Variants in ASCC1 observed in about 807,000 individuals in gnomAD.
ASCC1 encodes the protein ASC-1 complex subunit P50.
Under a neutral mutation model 46.6 loss-of-function variants are expected in ASCC1, and 35 were observed. That is an observed-to-expected ratio of 0.75 (90% CI 0.57 to 0.99). The LOEUF is 0.99. ASCC1 is among the 50% of genes least tolerant of loss of function. ASCC1 has a pLI of 0.00. For missense variants in ASCC1, 376 were observed against 428.7 expected (o/e 0.88, Z 1.09); for synonymous variants, 143 against 146.6 (o/e 0.98, Z 0.18).
At chr10:72,168,225 T>C (rs116695191) in intron 5 of ASCC1, among the ~76,000 whole-genome samples, 4,317 of 151,858 alleles carry the variant, frequency 0.028, 198 homozygotes, top group African/African-American at 0.099. Flanking sequence ...TAAAATACTT[T>C]TAAAAATCAA....
At chr10:72,195,676 A>G (rs1564737356) in intron 5 of ASCC1, among the ~76,000 whole-genome samples, 1 of 151,890 alleles carries the variant, frequency 6.6e-6, no homozygotes, top group Non-Finnish European at 1.5e-5. Flanking sequence ...CTCTACTGAA[A>G]ATACAAAATT....
At chr10:72,148,899 T>C (rs1847946658) in intron 7 of ASCC1, among the ~76,000 whole-genome samples, 1 of 152,074 alleles carries the variant, frequency 6.6e-6, no homozygotes, top group Admixed American at 6.6e-5. Context: ...TAGTATGAGA[T>C]ATCCACAATT....
At chr10:72,163,149 A>G (rs1158825727) in intron 5 of ASCC1, among the ~76,000 whole-genome samples, 3 of 152,146 alleles carry the variant, frequency 2.0e-5, no homozygotes, top group Admixed American at 6.5e-5. Context: ...TAGAAATTGG[A>G]ACCCTCATAC....
intron 5 of ASCC1, among the ~76,000 whole-genome samples, chr10:72,169,841 C>T (rs1041904809): frequency 1.3e-5 from 2 of 152,096 alleles, no homozygotes; most frequent in Non-Finnish European, 2.9e-5. Context: ...AACACAAGGC[C>T]GGGCGTGGTG....
Position 72,097,047 on chromosome 10 carries a change from T to C in ASCC1, c.*287A>G, listed in dbSNP as rs1489095211. 2.1e-6 allele frequency: 1 copy of C among 477,142 alleles called. No individual in the cohort carries two copies. The highest frequency in any genetic ancestry group is 2.3e-5 in the Admixed American group (1 of 43,248). 29.6% of individuals were successfully genotyped at this position (477,142 alleles called of 1,614,324 possible). ...TACTGAACTGTGCACTTAAAAATGG[T>C]GAAGACAGTATGTTTTATGAGTATT... On this transcript the variant is annotated 3_prime_UTR_variant, in exon 10 of 10. Coordinates refer to ENST00000672957, the MANE Select transcript of ASCC1 (RefSeq NM_001198800.3).
At chr10:72,142,762 A>T (rs976725165) in intron 7 of ASCC1, among the ~76,000 whole-genome samples, 1 of 152,028 alleles carries the variant, frequency 6.6e-6, no homozygotes, top group Non-Finnish European at 1.5e-5. Flanking sequence ...ATGACTTTTA[A>T]ATACCTCCCC....
chr10:72,105,225 C>T (rs1589164873), intron 9 of ASCC1, among the ~76,000 whole-genome samples: 1 of 152,214 alleles, frequency 6.6e-6, no homozygotes, highest in Non-Finnish European at 1.5e-5. Flanking sequence ...GCAAGGGTAC[C>T]ACTGAGCTGA....
At chr10:72,105,260 C>T (rs531931101) in intron 9 of ASCC1, among the ~76,000 whole-genome samples, 28 of 152,160 alleles carry the variant, frequency 1.8e-4, no homozygotes, top group Non-Finnish European at 3.4e-4. Flanking sequence ...CCACAGACAG[C>T]GGGACAAAGA....
At chr10:72,103,053 C>T (rs1454166174) in intron 9 of ASCC1, 4 of 397,242 alleles carry the variant, frequency 1.0e-5, no homozygotes, top group African/African-American at 2.2e-5. Context: ...ATGACAACAG[C>T]CAACATTTAT....
rs1849698689 is a variant in ASCC1, at chr10:72,161,563, G to A, written c.601C>T (p.Gln201Ter). 6 of 1,614,172 alleles carry A rather than the reference G, an allele frequency of 3.7e-6. No individual in the cohort carries two copies. The highest frequency in any genetic ancestry group is 5.1e-6 in the Non-Finnish European group (6 of 1,180,042). The change falls in exon 6 of 10, where the codon CAG (glutamine) becomes TAG (stop). Residue 201 changes from glutamine (Q) to a stop codon, truncating the protein, a stop_gained. Transcript: ENST00000672957. LOFTEE classifies it high-confidence loss of function. ...TTAATGAATTCCTCTTTACACTGCTGTAGCATCTCACATGTCTGCTGGATC... is the reference window on the plus strand; with the variant it reads ...TTAATGAATTCCTCTTTACACTGCTATAGCATCTCACATGTCTGCTGGATC... ...EEIQQTCEMLQQCKEEFINDI... is the reference protein window; with the variant it reads ...EEIQQTCEML
chr10:72,182,088 T>A (rs1410997419), intron 5 of ASCC1, among the ~76,000 whole-genome samples: 1 of 152,040 alleles, frequency 6.6e-6, no homozygotes, highest in Non-Finnish European at 1.5e-5. Flanking sequence ...TATACAAAAC[T>A]GGAGTGAAAC....
At chr10:72,166,117 T>C (rs1362892314) in intron 5 of ASCC1, among the ~76,000 whole-genome samples, 1 of 152,160 alleles carries the variant, frequency 6.6e-6, no homozygotes, top group East Asian at 1.9e-4. Flanking sequence ...AGTCTATACT[T>C]TTGATCAATA....
upstream of ASCC1, chr10:72,217,010 C>T: frequency 2.2e-6 from 1 of 454,882 alleles, no homozygotes; most frequent in South Asian, 1.6e-5. Context: ...CCTGCATGAC[C>T]TTTGCTGAGC....
At chr10:72,186,646 C>T (rs2133105101) in intron 5 of ASCC1, among the ~76,000 whole-genome samples, 1 of 152,238 alleles carries the variant, frequency 6.6e-6, no homozygotes, top group East Asian at 1.9e-4. Flanking sequence ...ATGAAACTTA[C>T]TAAAAATCTC....
chr10:72,136,455 ACACCAATCAGCACTCTGTAAAAATG>A (rs1846216688), intron 7 of ASCC1, among the ~76,000 whole-genome samples: 1 of 150,452 alleles, frequency 6.6e-6, no homozygotes, highest in African/African-American at 2.5e-5. Flanking sequence ...GATTGTAAGC[ACACCAATCAGCACTCTGTAAAAATG>A]CACCAATCAG....
chr10:72,163,671 G>A (rs1589418788), intron 5 of ASCC1, among the ~76,000 whole-genome samples: 1 of 151,864 alleles, frequency 6.6e-6, no homozygotes. Flanking sequence ...GGAGGAAAAG[G>A]TTGCAGTGAG....
chr10:72,204,337 C>A, intron 3 of ASCC1: 4 of 1,514,074 alleles, frequency 2.6e-6, no homozygotes, highest in Non-Finnish European at 3.6e-6. Context: ...AGCCAACTCT[C>A]GACTACCCCA....
At chr10:72,161,867 TAA>T (rs1849734952) in intron 5 of ASCC1, among the ~76,000 whole-genome samples, 193 bp from the exon 6 acceptor site, 2 of 152,040 alleles carry the variant, frequency 1.3e-5, no homozygotes, top group Admixed American at 1.3e-4. Flanking sequence ...TGCAAAAGAA[TAA>T]AGATAGACTA....
At chr10:72,132,137 A>G (rs951783503) in intron 8 of ASCC1, among the ~76,000 whole-genome samples, 1 of 151,994 alleles carries the variant, frequency 6.6e-6, no homozygotes, top group Non-Finnish European at 1.5e-5. Context: ...CCAAAGTGCT[A>G]GGATTACAGG....
Sources: allele counts gnomAD v4.1 joint callset (sites outside exome capture counted in the v4.1 genomes callset), GRCh38; gene constraint gnomAD v4.1.1; transcripts MANE v1.5; gene names NCBI Gene and HGNC (gene_info 2026-07-23, HGNC 2026-07-21).